Variants in PDE4B observed in about 807,000 individuals in gnomAD.
PDE4B encodes 3',5'-cyclic-AMP phosphodiesterase 4B.
A neutral mutation model predicts 82.2 loss-of-function variants in PDE4B; 20 were observed. The ratio of observed to expected loss-of-function variants is 0.24; its 90% CI spans 0.17 to 0.35. The LOEUF (loss-of-function observed/expected upper bound fraction) is 0.35. Among genes scored for constraint, PDE4B ranks in the 10% least tolerant of loss-of-function variants. The pLI is 1.00. For synonymous variants in PDE4B, 320 were observed against 318.9 expected, an observed-to-expected ratio of 1.00 and a Z score of -0.04; for missense variants, 655 against 907.2, an observed-to-expected ratio of 0.72 and a Z score of 3.57.
At chr1:66,108,451 T>C (rs1427222775) in intron 3 of PDE4B, among the ~76,000 whole-genome samples, 1 of 152,002 alleles carries the variant, frequency 6.6e-6, no homozygotes, top group African/African-American at 2.4e-5. Context: ...CAAATGCTAT[T>C]GCATCACACT....
intron 3 of PDE4B, among the ~76,000 whole-genome samples, chr1:66,229,553 G>A (rs1217060662): frequency 6.6e-6 from 1 of 152,186 alleles, no homozygotes; most frequent in Admixed American, 6.5e-5. Context: ...TAGACATGGG[G>A]GTTCATAACT....
At chr1:66,309,693 A>G (rs1327789387) in intron 7 of PDE4B, among the ~76,000 whole-genome samples, 2 of 152,126 alleles carry the variant, frequency 1.3e-5, no homozygotes, top group African/African-American at 2.4e-5. Context: ...CAAGTTATTA[A>G]TCTCCTAGAG....
intron 3 of PDE4B, among the ~76,000 whole-genome samples, chr1:66,126,985 G>A (rs999705005): frequency 6.6e-6 from 1 of 151,968 alleles, no homozygotes; most frequent in East Asian, 1.9e-4. Context: ...TCAAGATCAC[G>A]AAAGACAAAG....
intron 3 of PDE4B, among the ~76,000 whole-genome samples, chr1:65,986,782 A>G (rs1353538366): frequency 6.6e-6 from 1 of 152,184 alleles, no homozygotes; most frequent in Non-Finnish European, 1.5e-5. Context: ...AGTAATATCG[A>G]CTATGATAAA....
intron 3 of PDE4B, among the ~76,000 whole-genome samples, chr1:66,007,034 G>A (rs1466073311): frequency 6.6e-6 from 1 of 152,168 alleles, no homozygotes; most frequent in Non-Finnish European, 1.5e-5. Flanking sequence ...TCTTGAGGCT[G>A]AGGTGGGAAG....
chr1:66,023,514 G>A (rs17128248), intron 3 of PDE4B, among the ~76,000 whole-genome samples: 5,893 of 152,216 alleles, frequency 0.039, 477 homozygotes, highest in East Asian at 0.36. Flanking sequence ...GAAGGAAGTT[G>A]TTTCTGAGGG....
chr1:66,076,635 T>C (rs752603860), intron 3 of PDE4B, among the ~76,000 whole-genome samples: 1 of 152,186 alleles, frequency 6.6e-6, no homozygotes, highest in Admixed American at 6.5e-5. Flanking sequence ...CCACCATCTG[T>C]GTATGAGTTC....
At chr1:66,300,905 C>T (rs1323186200) in intron 7 of PDE4B, among the ~76,000 whole-genome samples, 1 of 152,174 alleles carries the variant, frequency 6.6e-6, no homozygotes, top group South Asian at 2.1e-4. Context: ...TGGGGTTTCT[C>T]ACCCAAACAT....
At chr1:66,025,742 G>A (rs570652469) in intron 3 of PDE4B, among the ~76,000 whole-genome samples, 64 of 152,214 alleles carry the variant, frequency 4.2e-4, no homozygotes, top group Admixed American at 2.6e-3. Context: ...ATGACTAATT[G>A]TTTACCAAGT....
At chr1:65,952,514 C>A (rs938865167) in intron 3 of PDE4B, among the ~76,000 whole-genome samples, 1 of 151,922 alleles carries the variant, frequency 6.6e-6, no homozygotes, top group Non-Finnish European at 1.5e-5. Context: ...ATCCCCATCT[C>A]TACTGAAAAA....
At chr1:65,804,240 A>T (rs1645728480) in intron 1 of PDE4B, among the ~76,000 whole-genome samples, 1 of 152,182 alleles carries the variant, frequency 6.6e-6, no homozygotes, top group South Asian at 2.1e-4. Flanking sequence ...GGAAATAAGT[A>T]CAAGGAAGGA....
chr1:65,990,561 C>T (rs1429299644), intron 3 of PDE4B, among the ~76,000 whole-genome samples: 1 of 152,042 alleles, frequency 6.6e-6, no homozygotes, highest in East Asian at 1.9e-4. Flanking sequence ...AGCTTATAGC[C>T]ATATTTTCTC....
At position 66,332,575 on chromosome 1, in the gene PDE4B, G is replaced by A; in HGVS notation, c.702G>A (p.Glu234=). 6.2e-7 allele frequency: 1 copy of A among 1,614,070 alleles called. No individual in the cohort carries two copies. The highest frequency in any genetic ancestry group is 1.6e-4 in the Middle Eastern group (1 of 6,062). Residue 234 remains glutamate, a synonymous_variant, in exon 8 of 17, where the codon GAG becomes GAA. Coordinates refer to ENST00000341517, the MANE Select transcript of PDE4B (RefSeq NM_002600.4). Reference sequence around the variant, plus strand: ...TAGACTGGTGTTTAGACCAGCTAGAGACCATACAGACCTACCGGTCTGTCA... The same window carrying A: ...TAGACTGGTGTTTAGACCAGCTAGAAACCATACAGACCTACCGGTCTGTCA... The part of the protein sequence containing the change: ...EELDWCLDQL[E]TIQTYRSVSE...
intron 3 of PDE4B, among the ~76,000 whole-genome samples, chr1:66,015,728 A>G (rs1194111012): frequency 6.6e-6 from 1 of 152,184 alleles, no homozygotes; most frequent in Non-Finnish European, 1.5e-5. Flanking sequence ...CAACTGCTGA[A>G]ATCAAATTAA....
chr1:66,133,426 A>C (rs1424921745), intron 3 of PDE4B, among the ~76,000 whole-genome samples: 1 of 152,202 alleles, frequency 6.6e-6, no homozygotes, highest in Non-Finnish European at 1.5e-5. Context: ...ACTTTCACTA[A>C]TGTATCCTAA....
At chr1:66,196,228 C>T (rs182105219) in intron 3 of PDE4B, among the ~76,000 whole-genome samples, 41 of 152,310 alleles carry the variant, frequency 2.7e-4, no homozygotes, top group Admixed American at 1.8e-3. Flanking sequence ...AACTGGCGGC[C>T]CTGGGTTTAG....
Position 66,110,728 on chromosome 1 carries a change from G to C in PDE4B, c.282-136732G>C, listed in dbSNP as rs1237298403. On this transcript the variant is annotated intron_variant, in intron 3 of 16. Transcript: ENST00000341517. Reference sequence around the variant, plus strand: ...ATATGGTTGTCAAGGAAATAAACGAGAATATATATAATGCGATTAAACCAA... The same window carrying C: ...ATATGGTTGTCAAGGAAATAAACGACAATATATATAATGCGATTAAACCAA... Among the ~76,000 whole-genome samples, 3 of 151,878 alleles carry C rather than the reference G, an allele frequency of 2.0e-5. No individual in the cohort carries two copies. In the East Asian group the frequency reaches 5.8e-4, roughly 29 times the overall value.
intron 3 of PDE4B, among the ~76,000 whole-genome samples, chr1:65,932,056 C>CT (rs1647865624): frequency 6.6e-6 from 1 of 152,124 alleles, no homozygotes; most frequent in Admixed American, 6.5e-5. Context: ...AGTTAGTCTG[C>CT]TTGGCCAATG....
rs1159475379 is a variant in PDE4B, at chr1:66,373,978, ACTTTTGTATAG to A, written c.*1304_*1314del. The A allele has an allele frequency of 1.3e-5, 2 of 152,542 alleles. No individual in the cohort carries two copies. The highest frequency in any genetic ancestry group is 2.9e-5 in the Non-Finnish European group (2 of 68,024). The allele number at this position is 152,542 out of a possible 1,614,324, so 9.4% of individuals were successfully genotyped here. A position where few individuals can be genotyped will look rare whatever the true frequency, so the allele number is the denominator to read the frequency against. On this transcript the variant is annotated 3_prime_UTR_variant, in exon 17 of 17. Coordinates refer to ENST00000341517, the MANE Select transcript of PDE4B (RefSeq NM_002600.4). ...ACTAAATGGTTTATACTGAGCTTTT[ACTTTTGTATAG>A]CTTGATAGGGGCAGGGGGCAATGGG...
Sources: allele counts gnomAD v4.1 joint callset (sites outside exome capture counted in the v4.1 genomes callset), GRCh38; gene constraint gnomAD v4.1.1; transcripts MANE v1.5; gene names NCBI Gene and HGNC (gene_info 2026-07-23, HGNC 2026-07-21).